The following ARNT variants were observed in gnomAD, a reference collection of about 807,000 sequenced individuals.
ARNT encodes the protein aryl hydrocarbon receptor nuclear translocator.
In ARNT, 30 loss-of-function variants were observed where a neutral mutation model predicts 105.0. That is an observed-to-expected ratio of 0.29 (90% CI 0.21 to 0.39). The LOEUF (loss-of-function observed/expected upper bound fraction) is 0.39. ARNT is among the 10% of genes least tolerant of loss of function. ARNT has a pLI of 1.00. For synonymous variants in ARNT, 304 were observed against 344.0 expected (o/e 0.88, Z 1.29); for missense variants, 748 against 978.7 (o/e 0.76, Z 3.15).
intron 1 of ARNT, among the ~76,000 whole-genome samples, chr1:150,876,120 G>GTGGT (rs1668202555): frequency 6.6e-6 from 1 of 152,242 alleles, no homozygotes; most frequent in Admixed American, 6.5e-5. Flanking sequence ...AAAGAGCAGT[G>GTGGT]TGGTCCAGGG....
chr1:150,836,286 G>C lies in ARNT; in HGVS notation c.694C>G (p.Leu232Val), dbSNP rs760908636. 4.4e-5 allele frequency: 71 copies of C among 1,613,924 alleles called. No individual in the cohort carries two copies. Among genetic ancestry groups the C allele is most frequent in the Middle Eastern group, 1.6e-4 (1 of 6,084 alleles). ...CCATACACATAACTCTCACCTGTCA[G>C]GGCATTTTCTGAAGTGGAAAGCTGC... is the stretch of plus-strand genomic sequence containing the variant. ...REQLSTSENA[L>V]TGRILDLKTG... The change falls in exon 7 of 22, where the codon CTG (leucine) becomes GTG (valine). Residue 232 changes from leucine (L) to valine (V), a missense_variant. By Grantham distance (32) the Leu-to-Val change is conservative. This residue lies in a region of ARNT where 291 missense variants were observed against 444.6 expected (regional missense o/e 0.65). Coordinates refer to ENST00000358595, the MANE Select transcript of ARNT (RefSeq NM_001668.4).
intron 3 of ARNT, among the ~76,000 whole-genome samples, chr1:150,851,363 C>G (rs1281617381): frequency 1.3e-5 from 2 of 152,204 alleles, no homozygotes; most frequent in Admixed American, 1.3e-4. Flanking sequence ...GAGGTGTACC[C>G]AACAGCTCAT....
rs1345531310 is a variant in ARNT at position 150,832,463 on chromosome 1, A to G, written c.804-64T>C. On this transcript the variant is annotated intron_variant, in intron 8 of 21. Transcript: ENST00000358595. Reference sequence around the variant, plus strand: ...GCCCTATCAAAGAACTTTCCACAGTAATAGCAGAATAACATGCTCTGGATA... The same window carrying G: ...GCCCTATCAAAGAACTTTCCACAGTGATAGCAGAATAACATGCTCTGGATA... 3 of 1,448,528 alleles carry G rather than the reference A, an allele frequency of 2.1e-6. No homozygotes were observed. The African/African-American group carries it at 4.2e-5, about 20-fold the overall frequency. The allele number at this position is 1,448,528 out of a possible 1,614,324, so 89.7% of individuals were successfully genotyped here. A position where few individuals can be genotyped will look rare whatever the true frequency, so the allele number is the denominator to read the frequency against.
chr1:150,869,329 T>A (rs1486962088), intron 1 of ARNT, among the ~76,000 whole-genome samples: 2 of 151,780 alleles, frequency 1.3e-5, no homozygotes, highest in East Asian at 3.9e-4. Context: ...CACAAAAAAT[T>A]AGCAGGGCAT....
intron 4 of ARNT, among the ~76,000 whole-genome samples, chr1:150,844,252 T>A (rs1027981723): frequency 6.6e-6 from 1 of 152,224 alleles, no homozygotes; most frequent in Non-Finnish European, 1.5e-5. Context: ...CTTCACTCCT[T>A]TCCTGTTACC....
intron 1 of ARNT, among the ~76,000 whole-genome samples, chr1:150,862,331 C>T (rs941659507): frequency 1.3e-5 from 2 of 152,040 alleles, no homozygotes; most frequent in African/African-American, 4.8e-5. Context: ...CATTACCTGC[C>T]AAGGAGGTTA....
chr1:150,818,098 G>GA, intron 14 of ARNT, 68 bp from the exon 15 acceptor site: 12 of 1,116,944 alleles, frequency 1.1e-5, no homozygotes, highest in Non-Finnish European at 1.4e-5. Flanking sequence ...GAGAGAAAGA[G>GA]AAGAATAAGA....
At chr1:150,819,302 G>A (rs1300050085) in intron 14 of ARNT, among the ~76,000 whole-genome samples, 1 of 151,998 alleles carries the variant, frequency 6.6e-6, no homozygotes, top group East Asian at 1.9e-4. Context: ...AAATGATGGG[G>A]CAGCTTTGGA....
At chr1:150,846,451 G>A in intron 3 of ARNT, 144 bp from the exon 4 acceptor site, 1 of 740,678 alleles carries the variant, frequency 1.4e-6, no homozygotes, top group East Asian at 2.7e-5. Flanking sequence ...AATAACAGCA[G>A]CACCCCATAG....
chr1:150,845,653 C>T (rs924357236), intron 4 of ARNT, among the ~76,000 whole-genome samples: 3 of 151,902 alleles, frequency 2.0e-5, no homozygotes, highest in Non-Finnish European at 4.4e-5. Context: ...CCTATAATCC[C>T]AGCACTTTGG....
chr1:150,841,697 A>T (rs1237795761), intron 5 of ARNT, among the ~76,000 whole-genome samples: 1 of 152,228 alleles, frequency 6.6e-6, no homozygotes, highest in Non-Finnish European at 1.5e-5. Context: ...ACAGTCTCCC[A>T]AGAGAATTCT....
At position 150,811,292 on chromosome 1, in the gene ARNT, G is replaced by A. The variant is rs1333135551; in HGVS notation, c.*729C>T. The A allele has an allele frequency of 2.6e-5, 6 of 233,560 alleles. No homozygotes were observed. The highest frequency in any genetic ancestry group is 1.8e-4 in the South Asian group (1 of 5,528). 14.5% of individuals were successfully genotyped at this position (233,560 alleles called of 1,614,324 possible). A position where few individuals can be genotyped will look rare whatever the true frequency, so the allele number is the denominator to read the frequency against. On this transcript the variant is annotated 3_prime_UTR_variant, in exon 22 of 22. Transcript: ENST00000358595. Reference sequence around the variant, plus strand: ...GCATGGATGCAAGCGCAGCAAAGACGTTTATTTAAATATTCTTTGGCTGCA... The same window carrying A: ...GCATGGATGCAAGCGCAGCAAAGACATTTATTTAAATATTCTTTGGCTGCA...
chr1:150,873,185 A>T (rs950474237), intron 1 of ARNT, among the ~76,000 whole-genome samples: 2 of 151,814 alleles, frequency 1.3e-5, no homozygotes, highest in Admixed American at 6.6e-5. Context: ...GCTACTCGGG[A>T]GGCTGAGGCA....
At chr1:150,875,460 A>G (rs1339289390) in intron 1 of ARNT, among the ~76,000 whole-genome samples, 1 of 151,936 alleles carries the variant, frequency 6.6e-6, no homozygotes, top group African/African-American at 2.4e-5. Flanking sequence ...GGGGGTAATC[A>G]CTCCTACTGT....
intron 3 of ARNT, among the ~76,000 whole-genome samples, chr1:150,849,713 A>T (rs1662955537): frequency 6.6e-6 from 1 of 152,182 alleles, no homozygotes. Flanking sequence ...TAGTGAGCCG[A>T]GACTGTGCCA....
chr1:150,850,306 T>C (rs1377527102), intron 3 of ARNT, among the ~76,000 whole-genome samples: 2 of 152,064 alleles, frequency 1.3e-5, no homozygotes, highest in South Asian at 2.1e-4. Context: ...TCTCCCTCTC[T>C]TTCCACGGTC....
chr1:150,816,479 C>A, intron 18 of ARNT, 73 bp from the exon 19 acceptor site: 2 of 1,514,948 alleles, frequency 1.3e-6, no homozygotes, highest in Non-Finnish European at 1.8e-6. Flanking sequence ...AAAGGACAAT[C>A]TAGTGCTATC....
At chr1:150,821,317 T>C (rs1464211066) in intron 14 of ARNT, among the ~76,000 whole-genome samples, 1 of 152,244 alleles carries the variant, frequency 6.6e-6, no homozygotes, top group African/African-American at 2.4e-5. Flanking sequence ...TGGCACTTCA[T>C]ACTGTTCCCA....
chr1:150,851,742 C>T (rs1380642631), intron 3 of ARNT, among the ~76,000 whole-genome samples: 3 of 152,140 alleles, frequency 2.0e-5, no homozygotes, highest in Non-Finnish European at 2.9e-5. Flanking sequence ...GGGTCCTCTG[C>T]CTAGGAAAAC....
Sources: gnomAD v4.1 joint callset for allele counts (sites outside exome capture counted in the v4.1 genomes callset) on GRCh38, gnomAD v4.1.1 for gene constraint, gnomAD v4.1.1 regional missense constraint, MANE v1.5 for transcripts, NCBI Gene and HGNC (gene_info 2026-07-23, HGNC 2026-07-21) for gene names.